The following PDE4D variants were observed in gnomAD, a reference collection of about 807,000 sequenced individuals.
PDE4D encodes 3',5'-cyclic-AMP phosphodiesterase 4D.
Under a neutral mutation model 87.4 loss-of-function variants are expected in PDE4D, and 24 were observed. The ratio of observed to expected loss-of-function variants is 0.27; its 90% CI spans 0.20 to 0.39. The LOEUF (loss-of-function observed/expected upper bound fraction) is 0.39. Ranked by LOEUF, PDE4D falls within the 10% of genes least tolerant of loss-of-function variation. The probability of loss-of-function intolerance (pLI) is 1.00; values close to 1 mark genes in which losing one functional copy is unlikely to be tolerated. For missense variants in PDE4D, 714 were observed against 1,041.0 expected (o/e 0.69, Z 4.32); for synonymous variants, 384 against 383.2 (o/e 1.00, Z -0.02).
At chr5:60,441,285 A>C (rs980426718) in intron 1 of PDE4D, among the ~76,000 whole-genome samples, 1 of 152,150 alleles carries the variant, frequency 6.6e-6, no homozygotes, top group Non-Finnish European at 1.5e-5. Context: ...ATAACACCAC[A>C]CATCTACAAC....
intron 1 of PDE4D, among the ~76,000 whole-genome samples, chr5:60,229,234 T>C (rs1562240053): frequency 6.6e-6 from 1 of 152,146 alleles, no homozygotes; most frequent in Non-Finnish European, 1.5e-5. Context: ...CACTTCAATA[T>C]ATTCACTTCA....
chr5:59,266,559 T>A (rs1762892580), intron 1 of PDE4D, among the ~76,000 whole-genome samples: 1 of 151,754 alleles, frequency 6.6e-6, no homozygotes, highest in African/African-American at 2.4e-5. Flanking sequence ...GCTGAACGAG[T>A]CAGGAACTAG....
At chr5:60,192,977 T>G (rs1253641068) in intron 1 of PDE4D, among the ~76,000 whole-genome samples, 1 of 152,206 alleles carries the variant, frequency 6.6e-6, no homozygotes, top group African/African-American at 2.4e-5. Context: ...AGTTTGCTAT[T>G]TCGTACCCAA....
chr5:60,115,429 T>TA (rs1209067464), intron 2 of PDE4D, among the ~76,000 whole-genome samples: 4 of 152,112 alleles, frequency 2.6e-5, no homozygotes, highest in Non-Finnish European at 4.4e-5. Flanking sequence ...ATGGACTATG[T>TA]AAGAAGGTCA....
rs959741108 is a variant in PDE4D, at chr5:59,207,708, T to C, written c.647+8069A>G. Reference sequence around the variant, plus strand: ...ACTACCACTTCTCCCTGCATTTTTTTTTAAAGAAAGTAGATATTATCCTTT... The same window carrying C: ...ACTACCACTTCTCCCTGCATTTTTTCTTAAAGAAAGTAGATATTATCCTTT... On this transcript the variant is annotated intron_variant, in intron 2 of 14. Transcript: ENST00000340635. 2.0e-5 allele frequency among the ~76,000 whole-genome samples: 3 copies of C among 152,218 alleles called. No homozygotes were observed. In the East Asian group the frequency reaches 5.8e-4, roughly 29 times the overall value.
At chr5:60,311,891 G>A (rs1424920859) in intron 1 of PDE4D, among the ~76,000 whole-genome samples, 1 of 151,820 alleles carries the variant, frequency 6.6e-6, no homozygotes, top group Non-Finnish European at 1.5e-5. Flanking sequence ...GCAAGGCATG[G>A]GTTTGTATTA....
At chr5:60,431,470 C>T (rs1331533602) in intron 1 of PDE4D, among the ~76,000 whole-genome samples, 8 of 142,922 alleles carry the variant, frequency 5.6e-5, no homozygotes, top group Middle Eastern at 4.2e-3. Flanking sequence ...ACATCTCAGA[C>T]GATGGGCGGC....
chr5:60,450,711 C>T (rs529175030), intron 1 of PDE4D, among the ~76,000 whole-genome samples: 1 of 152,204 alleles, frequency 6.6e-6, no homozygotes, highest in East Asian at 1.9e-4. Flanking sequence ...GACATAAATA[C>T]AAGTTTCATT....
At chr5:59,521,110 T>TAAA (rs11347219) in intron 1 of PDE4D, among the ~76,000 whole-genome samples, 2 of 142,636 alleles carry the variant, frequency 1.4e-5, no homozygotes, top group African/African-American at 2.6e-5. Flanking sequence ...AGGAGATCAC[T>TAAA]AAAAAAAAAA....
chr5:59,201,325 ATGAAACTCT>A (rs1747317602), intron 2 of PDE4D, among the ~76,000 whole-genome samples: 1 of 152,160 alleles, frequency 6.6e-6, no homozygotes, highest in African/African-American at 2.4e-5. Context: ...AATTAAAATC[ATGAAACTCT>A]AATTTCAGAC....
intron 1 of PDE4D, among the ~76,000 whole-genome samples, chr5:59,505,395 G>C (rs1363386418): frequency 6.6e-6 from 1 of 152,144 alleles, no homozygotes; most frequent in African/African-American, 2.4e-5. Context: ...ACATTAGATT[G>C]GCCTCTTGCA....
chr5:60,145,549 T>C (rs1301259325), intron 2 of PDE4D, among the ~76,000 whole-genome samples: 2 of 152,206 alleles, frequency 1.3e-5, no homozygotes, highest in East Asian at 3.8e-4. Context: ...CAAATCAACC[T>C]TGTTTCAGTT....
chr5:60,511,964 T>C (rs1294152045), intron 1 of PDE4D, among the ~76,000 whole-genome samples: 6 of 152,190 alleles, frequency 3.9e-5, no homozygotes, highest in Non-Finnish European at 7.4e-5. Context: ...TGCACACGTA[T>C]AGACCCAATA....
intron 5 of PDE4D, among the ~76,000 whole-genome samples, chr5:59,046,521 TCAA>T: frequency 7.2e-6 from 1 of 138,554 alleles, no homozygotes; most frequent in East Asian, 2.2e-4. Context: ...CTCCCAATCA[TCAA>T]TAAGGTTATT....
At chr5:59,128,537 T>G (rs1300975290) in intron 5 of PDE4D, among the ~76,000 whole-genome samples, 1 of 152,090 alleles carries the variant, frequency 6.6e-6, no homozygotes, top group African/African-American at 2.4e-5. Flanking sequence ...TGGAGTGTAT[T>G]ATGGTCCAAA....
intron 1 of PDE4D, among the ~76,000 whole-genome samples, chr5:59,760,942 G>A (rs1000412780): frequency 6.6e-6 from 1 of 152,128 alleles, no homozygotes; most frequent in Non-Finnish European, 1.5e-5. Context: ...GTTTTTAGAG[G>A]CAAATTGACA....
At chr5:59,243,929 C>A (rs1272146265) in intron 1 of PDE4D, among the ~76,000 whole-genome samples, 1 of 151,860 alleles carries the variant, frequency 6.6e-6, no homozygotes, top group Non-Finnish European at 1.5e-5. Context: ...TACAAAGATG[C>A]TTAGTGAACC....
At chr5:59,116,803 C>T (rs1219245156) in intron 5 of PDE4D, among the ~76,000 whole-genome samples, 1 of 152,062 alleles carries the variant, frequency 6.6e-6, no homozygotes, top group East Asian at 1.9e-4. Flanking sequence ...TGCGAAAGGA[C>T]AGAAATGACA....
chr5:58,971,904 CA>C lies in PDE4D; in HGVS notation c.*2759del, dbSNP rs1257255142. The C allele has an allele frequency of 6.6e-6, 1 of 152,498 alleles. No homozygotes were observed. Among genetic ancestry groups the C allele is most frequent in the Non-Finnish European group, 1.5e-5 (1 of 68,016 alleles). The allele number at this position is 152,498 out of a possible 1,614,324, so 9.4% of individuals were successfully genotyped here. On this transcript the variant is annotated 3_prime_UTR_variant, in exon 15 of 15. Coordinates refer to ENST00000340635, the MANE Select transcript of PDE4D (RefSeq NM_001104631.2). ...GAAGGGCAAGGATAAGCAGATTGTA[CA>C]GTGCATTAGTCCCTGTCTCTTGGAT...
Sources: gnomAD v4.1 joint callset for allele counts (sites outside exome capture counted in the v4.1 genomes callset) on GRCh38, gnomAD v4.1.1 for gene constraint, MANE v1.5 for transcripts, NCBI Gene and HGNC (gene_info 2026-07-23, HGNC 2026-07-21) for gene names.